Variants in CHSY1 observed in about 807,000 individuals in gnomAD.
CHSY1 encodes N-acetylgalactosaminyl-proteoglycan 3-beta-glucuronosyltransferase 1.
CHSY1 carries 13 observed loss-of-function variants against 59.8 expected under a neutral mutation model. The ratio of observed to expected loss-of-function variants is 0.22; its 90% CI spans 0.14 to 0.35. The LOEUF (loss-of-function observed/expected upper bound fraction) is 0.35. Ranked by LOEUF, CHSY1 falls within the 10% of genes least tolerant of loss-of-function variation. The probability of loss-of-function intolerance (pLI) is 1.00; values close to 1 mark genes in which losing one functional copy is unlikely to be tolerated. For missense variants in CHSY1, 947 were observed against 1,030.6 expected (o/e 0.92, Z 1.11); for synonymous variants, 459 against 401.2 (o/e 1.14, Z -1.72).
intron 2 of CHSY1, among the ~76,000 whole-genome samples, chr15:101,230,764 T>C (rs1239743519): frequency 6.6e-6 from 1 of 152,248 alleles, no homozygotes; most frequent in African/African-American, 2.4e-5. Context: ...TGTACTGTTT[T>C]ATATTTAAAA....
rs1439446908 is a variant in CHSY1, at chr15:101,243,400, T to C, written c.320+7737A>G. Among the ~76,000 whole-genome samples, 6 of 152,216 alleles carry C rather than the reference T, an allele frequency of 3.9e-5. 1 individual carries two copies. The highest frequency in any genetic ancestry group is 9.6e-5 in the African/African-American group (4 of 41,452). On this transcript the variant is annotated intron_variant, in intron 1 of 2. Coordinates refer to ENST00000254190, the MANE Select transcript of CHSY1 (RefSeq NM_014918.5). Reference sequence around the variant, plus strand: ...GATCCACATGAACCAAAAATCAGTATCGTTTAATGCAAACAATTAAACCAC... The same window carrying C: ...GATCCACATGAACCAAAAATCAGTACCGTTTAATGCAAACAATTAAACCAC...
At chr15:101,228,740 AGCTGAAAT>A (rs1417480809) in intron 2 of CHSY1, among the ~76,000 whole-genome samples, 1 of 152,234 alleles carries the variant, frequency 6.6e-6, no homozygotes, top group Non-Finnish European at 1.5e-5. Context: ...AAGTCTTTCA[AGCTGAAAT>A]GAAAGAACAT....
At chr15:101,202,767 G>C (rs939021853) in intron 2 of CHSY1, among the ~76,000 whole-genome samples, 1 of 152,192 alleles carries the variant, frequency 6.6e-6, no homozygotes, top group Non-Finnish European at 1.5e-5. Context: ...CAAATTTAGG[G>C]ATTTTGGGAG....
intron 2 of CHSY1, among the ~76,000 whole-genome samples, chr15:101,217,306 C>T (rs2038743832): frequency 6.6e-6 from 1 of 152,156 alleles, no homozygotes; most frequent in Non-Finnish European, 1.5e-5. Flanking sequence ...TCAATTCATG[C>T]TTAGCTTAAT....
intron 2 of CHSY1, among the ~76,000 whole-genome samples, chr15:101,182,978 A>G (rs1480086392): frequency 6.6e-6 from 1 of 152,210 alleles, no homozygotes; most frequent in Admixed American, 6.5e-5. Flanking sequence ...ACACAACAAC[A>G]AAAACAAAAA....
intron 2 of CHSY1, among the ~76,000 whole-genome samples, chr15:101,190,885 G>A (rs748207566): frequency 2.0e-5 from 3 of 152,134 alleles, no homozygotes; most frequent in Admixed American, 6.5e-5. Flanking sequence ...GAGATGCCAC[G>A]ACACACCTAG....
chr15:101,181,326 T>C (rs1257477576), intron 2 of CHSY1, among the ~76,000 whole-genome samples: 2 of 152,256 alleles, frequency 1.3e-5, no homozygotes, highest in Non-Finnish European at 1.5e-5. Flanking sequence ...GCAGAGATTC[T>C]ACATGTATTT....
intron 1 of CHSY1, among the ~76,000 whole-genome samples, chr15:101,240,085 C>T (rs2038987459): frequency 6.6e-6 from 1 of 152,188 alleles, no homozygotes; most frequent in African/African-American, 2.4e-5. Context: ...TTAGGTAACT[C>T]AGGGAAAAAC....
At chr15:101,183,646 C>A (rs563654306) in intron 2 of CHSY1, among the ~76,000 whole-genome samples, 1 of 152,190 alleles carries the variant, frequency 6.6e-6, no homozygotes, top group African/African-American at 2.4e-5. Context: ...GGAAACAAGA[C>A]GCATGGGCCA....
At chr15:101,194,687 G>A (rs901596694) in intron 2 of CHSY1, among the ~76,000 whole-genome samples, 2 of 152,146 alleles carry the variant, frequency 1.3e-5, no homozygotes, top group Non-Finnish European at 2.9e-5. Context: ...CAGATCTGCT[G>A]CATGCTACAT....
At chr15:101,247,838 C>T (rs567605525) in intron 1 of CHSY1, among the ~76,000 whole-genome samples, 58 of 152,208 alleles carry the variant, frequency 3.8e-4, no homozygotes, top group Middle Eastern at 3.4e-3. Flanking sequence ...AAGTGCTGTG[C>T]CTTTAGTGTG....
At chr15:101,231,697 C>A (rs2038894600) in intron 2 of CHSY1, among the ~76,000 whole-genome samples, 1 of 152,234 alleles carries the variant, frequency 6.6e-6, no homozygotes, top group Non-Finnish European at 1.5e-5. Context: ...GCGACCTATG[C>A]ACTTTTCCAT....
intron 2 of CHSY1, among the ~76,000 whole-genome samples, chr15:101,197,576 G>A (rs1289655855): frequency 6.6e-6 from 1 of 151,802 alleles, no homozygotes; most frequent in Non-Finnish European, 1.5e-5. Flanking sequence ...AAATATCTAA[G>A]GACACCCCAA....
Position 101,178,135 on chromosome 15 carries a change from A to G in CHSY1, c.1662T>C (p.Phe554=). The G allele has an allele frequency of 6.2e-7, 1 of 1,614,198 alleles. No homozygotes were observed. The highest frequency in any genetic ancestry group is 8.5e-7 in the Non-Finnish European group (1 of 1,180,010). The change falls in exon 3 of 3, where the codon TTT becomes TTC. Residue 554 remains phenylalanine (F), a synonymous_variant. Transcript: ENST00000254190. ...GATTGGGGATAAGACACGTCTTCTC[A>G]AAGTTTCCCATAAATCTCACAAACA... is the stretch of plus-strand genomic sequence containing the variant. ...FDMFVRFMGN[F]EKTCLIPNQN... is the part of the protein sequence containing the mutation.
At chr15:101,220,527 T>C (rs2038778317) in intron 2 of CHSY1, among the ~76,000 whole-genome samples, 1 of 152,190 alleles carries the variant, frequency 6.6e-6, no homozygotes, top group South Asian at 2.1e-4. Flanking sequence ...ACCAGTCACC[T>C]GGTCCCAGTC....
rs2038366771 is a variant in CHSY1 at position 101,186,439 on chromosome 15, A to G, written c.817-7459T>C. On this transcript the variant is annotated intron_variant, in intron 2 of 2. Coordinates refer to ENST00000254190, the MANE Select transcript of CHSY1 (RefSeq NM_014918.5). ...TCTGGAAGAAAGTTTAGAATATAAC[A>G]ATTTCAAGAATAAAGCTGTAAGACC... 2.0e-5 allele frequency among the ~76,000 whole-genome samples: 3 copies of G among 152,230 alleles called. No homozygotes were observed. In the South Asian group the frequency reaches 6.2e-4, roughly 31 times the overall value.
intron 2 of CHSY1, among the ~76,000 whole-genome samples, chr15:101,206,746 G>A (rs1368827939): frequency 6.6e-6 from 1 of 152,216 alleles, no homozygotes; most frequent in Non-Finnish European, 1.5e-5. Flanking sequence ...CTACACAGAA[G>A]CAGCCATAAT....
chr15:101,177,274 G>C lies in CHSY1; in HGVS notation c.*114C>G, dbSNP rs1187154054. On this transcript the variant is annotated 3_prime_UTR_variant, in exon 3 of 3. Transcript: ENST00000254190. ...TCAATCTTAAAGGAGTCCTATGTAA[G>C]AAAACCACTTGTAAAATATATCCTT... 2 of 1,044,338 alleles carry C rather than the reference G, an allele frequency of 1.9e-6. No individual in the cohort carries two copies. Among genetic ancestry groups the C allele is most frequent in the Non-Finnish European group, 2.7e-6 (2 of 732,856 alleles). The allele number at this position is 1,044,338 out of a possible 1,614,324, so 64.7% of individuals were successfully genotyped here. A position where few individuals can be genotyped will look rare whatever the true frequency, so the allele number is the denominator to read the frequency against.
At position 101,182,505 on chromosome 15, in the gene CHSY1, C is replaced by A. The variant is rs375443656; in HGVS notation, c.817-3525G>T. ...GCATCTTAGTCCTCTGGGTTTACTTCCTTGATAAATACATAACTCTGAAGT... is the reference window on the plus strand; with the variant it reads ...GCATCTTAGTCCTCTGGGTTTACTTACTTGATAAATACATAACTCTGAAGT... On this transcript the variant is annotated intron_variant, in intron 2 of 2. Coordinates refer to ENST00000254190, the MANE Select transcript of CHSY1 (RefSeq NM_014918.5). 5.9e-5 allele frequency among the ~76,000 whole-genome samples: 9 copies of A among 152,176 alleles called. No individual in the cohort carries two copies. In the South Asian group the frequency reaches 1.2e-3, roughly 21 times the overall value.
Sources: allele counts gnomAD v4.1 joint callset (sites outside exome capture counted in the v4.1 genomes callset), GRCh38; gene constraint gnomAD v4.1.1; transcripts MANE v1.5; gene names NCBI Gene and HGNC (gene_info 2026-07-23, HGNC 2026-07-21).